The following CEP112 variants were observed in gnomAD, a reference collection of about 807,000 sequenced individuals.
CEP112 encodes the protein centrosomal protein of 112 kDa.
In CEP112, 127 loss-of-function variants were observed where a neutral mutation model predicts 153.0. The observed-to-expected ratio is 0.83, with a 90% confidence interval of 0.72 to 0.96. The LOEUF (loss-of-function observed/expected upper bound fraction) is 0.96. Ranked by LOEUF, CEP112 falls within the 40% of genes least tolerant of loss-of-function variation. The pLI is 0.00. For synonymous variants in CEP112, 358 were observed against 374.4 expected, an observed-to-expected ratio of 0.96 and a Z score of 0.51; for missense variants, 1,089 against 1,101.2, an observed-to-expected ratio of 0.99 and a Z score of 0.16.
Position 65,950,699 on chromosome 17 carries a change from C to CTATTATTAT in CEP112, c.1872+10763_1872+10764insATAATAATA, listed in dbSNP as rs57598697. On this transcript the variant is annotated intron_variant, in intron 18 of 26. Transcript: ENST00000535342. Reference sequence around the variant, plus strand: ...CTTTCTTTCCATTCTGGATACATTACTAGTAGTAGTAGTAGTAGTAGTAGT... The same window carrying CTATTATTAT: ...CTTTCTTTCCATTCTGGATACATTACTATTATTATTAGTAGTAGTAGTAGTAGTAGTAGT... Among the ~76,000 whole-genome samples the CTATTATTAT allele has an allele frequency of 2.8e-3, 419 of 147,180 alleles. 1 individual carries two copies. Among genetic ancestry groups the CTATTATTAT allele is most frequent in the African/African-American group, 8.0e-3 (324 of 40,266 alleles).
intron 12 of CEP112, among the ~76,000 whole-genome samples, chr17:66,040,588 C>A (rs2145830587): frequency 6.7e-6 from 1 of 149,494 alleles, no homozygotes; most frequent in African/African-American, 2.5e-5. Flanking sequence ...GCTCCACCTA[C>A]TGGTTCAAGA....
At chr17:66,040,070 T>C (rs1440106530) in intron 12 of CEP112, among the ~76,000 whole-genome samples, 1 of 152,212 alleles carries the variant, frequency 6.6e-6, no homozygotes, top group African/African-American at 2.4e-5. Context: ...GTTATACATG[T>C]TGCAGTGAAA....
At chr17:65,681,727 A>AC (rs1481599151) in intron 24 of CEP112, among the ~76,000 whole-genome samples, 1 of 143,864 alleles carries the variant, frequency 7.0e-6, no homozygotes, top group Non-Finnish European at 1.5e-5. Flanking sequence ...AGGCTGGAGT[A>AC]CAGTGGTGCA....
chr17:66,013,882 G>T (rs2064649496), intron 16 of CEP112, among the ~76,000 whole-genome samples: 1 of 151,976 alleles, frequency 6.6e-6, no homozygotes, highest in Admixed American at 6.6e-5. Context: ...GGCAGTGTTG[G>T]CATAGCAGTG....
At chr17:65,930,772 G>C (rs2061090228) in intron 18 of CEP112, among the ~76,000 whole-genome samples, 1 of 152,106 alleles carries the variant, frequency 6.6e-6, no homozygotes, top group Admixed American at 6.5e-5. Context: ...CCAGACTCCA[G>C]TACCCTTGAT....
At chr17:66,028,851 TTA>T (rs1320005028) in intron 14 of CEP112, among the ~76,000 whole-genome samples, 7 of 132,124 alleles carry the variant, frequency 5.3e-5, no homozygotes, top group Admixed American at 2.2e-4. Context: ...GCATTGGAAT[TTA>T]TATGTTTCCT....
intron 23 of CEP112, among the ~76,000 whole-genome samples, chr17:65,707,276 T>C (rs1016270759): frequency 4.6e-5 from 7 of 152,094 alleles, no homozygotes; most frequent in African/African-American, 1.2e-4. Context: ...AAATTATAAG[T>C]CTTTGACAAA....
intron 23 of CEP112, among the ~76,000 whole-genome samples, chr17:65,729,818 A>T (rs1030996677): frequency 1.3e-5 from 2 of 152,096 alleles, no homozygotes. Context: ...GGGTCTGTGG[A>T]GGGAGGATCG....
chr17:65,755,284 A>T (rs772234512), intron 21 of CEP112, among the ~76,000 whole-genome samples: 3 of 152,088 alleles, frequency 2.0e-5, no homozygotes, highest in Non-Finnish European at 4.4e-5. Context: ...ACATGCCCAG[A>T]GCAGGAGAAA....
At chr17:65,853,228 T>C (rs1352876397) in intron 20 of CEP112, among the ~76,000 whole-genome samples, 2 of 152,132 alleles carry the variant, frequency 1.3e-5, no homozygotes, top group East Asian at 3.9e-4. Context: ...TCCATGCCTG[T>C]CTCCTAGCTT....
Position 65,765,993 on chromosome 17 carries a change from A to ATTT in CEP112, c.2395-15270_2395-15269insAAA, listed in dbSNP as rs2052942231. Among the ~76,000 whole-genome samples, 5 of 152,080 alleles carry ATTT rather than the reference A, an allele frequency of 3.3e-5. No homozygotes were observed. The South Asian group carries it at 1.0e-3, about 32-fold the overall frequency. On this transcript the variant is annotated intron_variant, in intron 21 of 26. Transcript: ENST00000535342. ...CCACCAAAGAACACAATAATTCTTT[A>ATTT]GTAACTGACCCCAAAGAAAAGAAAA...
At chr17:66,149,765 T>C (rs567392646) in intron 4 of CEP112, among the ~76,000 whole-genome samples, 1 of 152,000 alleles carries the variant, frequency 6.6e-6, no homozygotes, top group East Asian at 1.9e-4. Flanking sequence ...ACTCTTAGTT[T>C]CATTTTCTCT....
intron 10 of CEP112, 56 bp from the exon 11 acceptor site, chr17:66,063,137 G>T: frequency 1.3e-6 from 1 of 794,298 alleles, no homozygotes; most frequent in African/African-American, 1.8e-5. Flanking sequence ...AGAGTTTGAT[G>T]ATATAAAATT....
intron 23 of CEP112, among the ~76,000 whole-genome samples, chr17:65,742,217 A>G (rs2051179345): frequency 6.6e-6 from 1 of 152,194 alleles, no homozygotes; most frequent in Non-Finnish European, 1.5e-5. Context: ...GTGAGGCAGG[A>G]AAGGGCAGCT....
In CEP112 at chr17:65,855,190, G is replaced by T. The variant is rs183129629; in HGVS notation, c.2164-3156C>A. Reference sequence around the variant, plus strand: ...AATAATAGAAAACCGCTGTAAGAAGGTGGGTTGCAGGAATGCTTTACCTTC... The same window carrying T: ...AATAATAGAAAACCGCTGTAAGAAGTTGGGTTGCAGGAATGCTTTACCTTC... On this transcript the variant is annotated intron_variant, in intron 20 of 26. Coordinates refer to ENST00000535342, the MANE Select transcript of CEP112 (RefSeq NM_001199165.4). Among the ~76,000 whole-genome samples the T allele has an allele frequency of 7.0e-4, 107 of 152,302 alleles. 1 individual carries two copies. The highest frequency in any genetic ancestry group is 2.4e-3 in the African/African-American group (99 of 41,564).
chr17:66,001,998 T>C (rs189941612), intron 17 of CEP112, among the ~76,000 whole-genome samples: 1 of 152,344 alleles, frequency 6.6e-6, no homozygotes, highest in East Asian at 1.9e-4. Flanking sequence ...TTAATACATA[T>C]GTAGAACAAA....
intron 17 of CEP112, among the ~76,000 whole-genome samples, chr17:65,968,290 T>G (rs971226379): frequency 6.6e-6 from 1 of 152,130 alleles, no homozygotes; most frequent in Non-Finnish European, 1.5e-5. Context: ...AAATATTTAT[T>G]TCCTTCAAAA....
chr17:65,812,881 G>A (rs2056063346), intron 21 of CEP112, among the ~76,000 whole-genome samples: 2 of 152,068 alleles, frequency 1.3e-5, no homozygotes, highest in Non-Finnish European at 2.9e-5. Context: ...AGTTTATATA[G>A]AATAAAAGCT....
intron 22 of CEP112, among the ~76,000 whole-genome samples, chr17:65,748,945 G>A (rs556304384): frequency 1.3e-3 from 191 of 152,148 alleles, no homozygotes; most frequent in Non-Finnish European, 1.9e-3. Context: ...CCCATTTAAC[G>A]TAAAGCGAAA....
Sources: gnomAD v4.1 joint callset for allele counts (sites outside exome capture counted in the v4.1 genomes callset) on GRCh38, gnomAD v4.1.1 for gene constraint, MANE v1.5 for transcripts, NCBI Gene and HGNC (gene_info 2026-07-23, HGNC 2026-07-21) for gene names.